The following GEMIN5 variants were observed in gnomAD, a reference collection of about 807,000 sequenced individuals.
GEMIN5 encodes gem nuclear organelle associated protein 5.
A neutral mutation model predicts 176.9 loss-of-function variants in GEMIN5; 124 were observed. The ratio of observed to expected loss-of-function variants is 0.70; its 90% CI spans 0.61 to 0.81. The LOEUF is 0.81. Ranked by LOEUF, GEMIN5 falls within the 40% of genes least tolerant of loss-of-function variation. The probability of loss-of-function intolerance (pLI) is 0.00; values close to 1 mark genes in which losing one functional copy is unlikely to be tolerated. For synonymous variants in GEMIN5, 673 were observed against 665.2 expected (o/e 1.01, Z -0.18); for missense variants, 1,843 against 1,814.6 (o/e 1.02, Z -0.28).
chr5:154,915,596 G>C (rs1763793958), intron 13 of GEMIN5, among the ~76,000 whole-genome samples: 1 of 152,154 alleles, frequency 6.6e-6, no homozygotes, highest in African/African-American at 2.4e-5. Flanking sequence ...GTTGAATCTA[G>C]GCCCTATCAT....
rs181065453 is a variant in GEMIN5 at position 154,902,980 on chromosome 5, C to G, written c.2728+100G>C. 2.9e-4 allele frequency: 236 copies of G among 811,692 alleles called. 1 individual carries two copies. The African/African-American group carries it at 3.4e-3, about 12-fold the overall frequency. The allele number at this position is 811,692 out of a possible 1,614,324, so 50.3% of individuals were successfully genotyped here. A position where few individuals can be genotyped will look rare whatever the true frequency, so the allele number is the denominator to read the frequency against. On this transcript the variant is annotated intron_variant, in intron 19 of 27. Coordinates refer to ENST00000285873, the MANE Select transcript of GEMIN5 (RefSeq NM_015465.5). ...CTAGTTAGCTGACACGTAAAACTAA[C>G]CATTATAATATCACAGGATGACAGC...
intron 18 of GEMIN5, 101 bp downstream of exon 18, chr5:154,904,406 T>C (rs762694754): frequency 2.1e-5 from 22 of 1,046,270 alleles, no homozygotes; most frequent in Non-Finnish European, 3.0e-5. Flanking sequence ...CAGAAAACAA[T>C]TTAGACATTT....
intron 21 of GEMIN5, among the ~76,000 whole-genome samples, chr5:154,900,989 A>T (rs1467688557): frequency 4.6e-5 from 7 of 152,200 alleles, no homozygotes; most frequent in Non-Finnish European, 1.0e-4. Flanking sequence ...AAAGTTTAAC[A>T]CTCTCTAAAG....
At chr5:154,918,084 TAG>T in intron 11 of GEMIN5, 80 bp from the exon 12 acceptor site, 2 of 868,932 alleles carry the variant, frequency 2.3e-6, no homozygotes, top group Non-Finnish European at 3.8e-6. Flanking sequence ...AAAAAATCCC[TAG>T]AGTTTAAAAA....
At chr5:154,908,934 C>T (rs1209449965) in intron 15 of GEMIN5, among the ~76,000 whole-genome samples, 1 of 151,968 alleles carries the variant, frequency 6.6e-6, no homozygotes, top group Admixed American at 6.6e-5. Flanking sequence ...ATGATGACTG[C>T]CAAATGGTGA....
rs754100993 is a variant in GEMIN5 at position 154,896,106 on chromosome 5, T to C, written c.3583A>G (p.Thr1195Ala). The C allele has an allele frequency of 1.2e-6, 2 of 1,613,396 alleles. No homozygotes were observed. The highest frequency in any genetic ancestry group is 2.7e-5 in the African/African-American group (2 of 74,886). The part of the protein sequence containing the change: ...NIKYPSATNN[T>A]PAKQLLLHIC... ...AGATGGCTTACCTGTTTGGCAGGTG[T>C]GTTATTTGTAGCAGATGGGTACTTG... The change falls in exon 24 of 28, where the codon ACA becomes GCA. Residue 1195 changes from threonine (T) to alanine (A), a missense_variant. By Grantham distance (58) the Thr-to-Ala change is moderately conservative. Coordinates refer to ENST00000285873, the MANE Select transcript of GEMIN5 (RefSeq NM_015465.5).
intron 13 of GEMIN5, among the ~76,000 whole-genome samples, chr5:154,913,743 G>A (rs1763753933): frequency 1.3e-5 from 2 of 152,146 alleles, no homozygotes; most frequent in Admixed American, 6.5e-5. Context: ...CTTGAGCCTG[G>A]GAGGCAGAGG....
At chr5:154,922,624 T>A (rs556560754) in intron 9 of GEMIN5, among the ~76,000 whole-genome samples, 1 of 152,248 alleles carries the variant, frequency 6.6e-6, no homozygotes, top group South Asian at 2.1e-4. Context: ...GAATTAGCAA[T>A]TTCATGGTGA....
At chr5:154,921,701 C>G (rs1763925563) in intron 9 of GEMIN5, among the ~76,000 whole-genome samples, 1 of 152,144 alleles carries the variant, frequency 6.6e-6, no homozygotes, top group Admixed American at 6.5e-5. Flanking sequence ...AAATGTTACT[C>G]TTACCCATCT....
chr5:154,921,643 C>A (rs1763924386), intron 9 of GEMIN5, among the ~76,000 whole-genome samples: 1 of 152,096 alleles, frequency 6.6e-6, no homozygotes. Context: ...CAAATAATGA[C>A]ATTTACTACC....
Position 154,912,956 on chromosome 5 carries a change from C to A in GEMIN5, c.1938G>T (p.Ala646=), listed in dbSNP as rs369052797. The part of the protein sequence containing the change: ...SGHTAKITSV[A]WSPHHDGRLV... ...GCCTTCCATCATGATGTGGGCTCCA[C>A]GCCACACTGGTAATCTTGGCCGTAT... The change falls in exon 14 of 28, where the codon GCG becomes GCT. Residue 646 remains alanine, a synonymous_variant. Coordinates refer to ENST00000285873, the MANE Select transcript of GEMIN5 (RefSeq NM_015465.5). The A allele has an allele frequency of 6.2e-7, 1 of 1,613,470 alleles. No individual in the cohort carries two copies. Among genetic ancestry groups the A allele is most frequent in the Non-Finnish European group, 8.5e-7 (1 of 1,179,524 alleles).
chr5:154,920,185 A>T (rs1054094937), intron 10 of GEMIN5, 82 bp from the exon 11 acceptor site: 1 of 1,038,696 alleles, frequency 9.6e-7, no homozygotes, highest in Non-Finnish European at 1.4e-6. Context: ...ACCATACCAT[A>T]CTACATAGTT....
At chr5:154,928,447 A>C (rs1764090078) in intron 6 of GEMIN5, 80 bp downstream of exon 6, 1 of 1,281,074 alleles carries the variant, frequency 7.8e-7, no homozygotes, top group East Asian at 2.3e-5. Flanking sequence ...CTTGGCCATT[A>C]CTTTCTCCAT....
rs139967968 is a variant in GEMIN5, at chr5:154,927,538, C to T, written c.927G>A (p.Leu309=). The T allele has an allele frequency of 6.9e-6, 11 of 1,601,794 alleles. No homozygotes were observed. In the East Asian group the frequency reaches 9.0e-5, roughly 13 times the overall value. The part of the protein sequence containing the change: ...LVSSCFGGEL[L]QWDLTQSWRR... The stretch of plus-strand genomic sequence containing the variant: ...TCCAAGATTGAGTGAGATCCCATTG[C>T]AACAGTTCACCTCTGTGAAGGAAAA... The change falls in exon 7 of 28, where the codon TTG becomes TTA. Residue 309 remains leucine, a synonymous_variant. Transcript: ENST00000285873.
At chr5:154,925,330 T>C (rs1764007384) in intron 8 of GEMIN5, among the ~76,000 whole-genome samples, 1 of 152,132 alleles carries the variant, frequency 6.6e-6, no homozygotes, top group Non-Finnish European at 1.5e-5. Flanking sequence ...GAAAAAAATG[T>C]TTCCTTTCTC....
At chr5:154,888,462 G>C (rs1323112136) in intron 27 of GEMIN5, 85 bp from the exon 28 acceptor site, 22 of 1,149,352 alleles carry the variant, frequency 1.9e-5, no homozygotes, top group Non-Finnish European at 1.5e-5. Context: ...AGTCACTCAG[G>C]TTCATCTATA....
intron 3 of GEMIN5, 71 bp from the exon 4 acceptor site, chr5:154,932,321 C>T: frequency 8.8e-7 from 1 of 1,130,480 alleles, no homozygotes; most frequent in East Asian, 2.5e-5. Flanking sequence ...AACATTTTGG[C>T]TTGGAGTTAC....
Position 154,917,422 on chromosome 5 carries a change from AT to A in GEMIN5, c.1674-244del, listed in dbSNP as rs1310737454. The stretch of plus-strand genomic sequence containing the variant: ...AACAATTCTTTTCTTAAAAAAATTA[AT>A]TTTTAGAAATTTTAACTTTCCACAC... On this transcript the variant is annotated intron_variant, in intron 12 of 27. Coordinates refer to ENST00000285873, the MANE Select transcript of GEMIN5 (RefSeq NM_015465.5). Among the ~76,000 whole-genome samples the A allele has an allele frequency of 2.4e-4, 36 of 152,346 alleles. 1 individual carries two copies. The highest frequency in any genetic ancestry group is 2.4e-3 in the Admixed American group (36 of 15,304).
At position 154,888,488 on chromosome 5, in the gene GEMIN5, C is replaced by T. The variant is rs780850157; in HGVS notation, c.4360-111G>A. 81 of 758,588 alleles carry T rather than the reference C, an allele frequency of 1.1e-4. 1 individual carries two copies. The highest frequency in any genetic ancestry group is 1.7e-4 in the Non-Finnish European group (77 of 465,136). 47.0% of individuals were successfully genotyped at this position (758,588 alleles called of 1,614,324 possible). ...TTCATCTATAGACACTTCTTGGACA[C>T]AGCTGAGCCAGCTGTCTCCTAAGGC... is the stretch of plus-strand genomic sequence containing the variant. On this transcript the variant is annotated intron_variant, in intron 27 of 27. Transcript: ENST00000285873.
Sources: allele counts gnomAD v4.1 joint callset (sites outside exome capture counted in the v4.1 genomes callset), GRCh38; gene constraint gnomAD v4.1.1; transcripts MANE v1.5; gene names NCBI Gene and HGNC (gene_info 2026-07-23, HGNC 2026-07-21).